Variants in TEX14 observed in about 807,000 individuals in gnomAD.
TEX14 encodes the protein inactive serine/threonine-protein kinase TEX14.
A neutral mutation model predicts 178.6 loss-of-function variants in TEX14; 168 were observed. The ratio of observed to expected loss-of-function variants is 0.94; its 90% CI spans 0.83 to 1.07. The LOEUF (loss-of-function observed/expected upper bound fraction) is 1.07. Ranked by LOEUF, TEX14 falls within the 50% of genes least tolerant of loss-of-function variation. The pLI, the probability that TEX14 is intolerant of heterozygous loss-of-function variation, is 0.00. For missense variants in TEX14, 1,730 were observed against 1,753.6 expected, an observed-to-expected ratio of 0.99 and a Z score of 0.24; for synonymous variants, 626 against 634.1, an observed-to-expected ratio of 0.99 and a Z score of 0.19.
chr17:58,645,258 G>C (rs2046677059), intron 2 of TEX14, among the ~76,000 whole-genome samples: 1 of 152,094 alleles, frequency 6.6e-6, no homozygotes, highest in Non-Finnish European at 1.5e-5. Flanking sequence ...AAACTGCTGG[G>C]ATTACAGGCG....
chr17:58,601,664 AGTCTGG>A, intron 13 of TEX14, 136 bp downstream of exon 13: 1 of 743,818 alleles, frequency 1.3e-6, no homozygotes, highest in South Asian at 1.8e-5. Context: ...ACTGTACTCC[AGTCTGG>A]GCAATAGAGC....
intron 9 of TEX14, among the ~76,000 whole-genome samples, chr17:58,611,903 G>GA (rs1171813250): frequency 6.6e-6 from 1 of 152,148 alleles, no homozygotes; most frequent in Admixed American, 6.5e-5. Flanking sequence ...ACTCAAGGGG[G>GA]AAAAACAGAA....
Position 58,607,751 on chromosome 17 carries a change from C to T in TEX14, c.1185-2622G>A, listed in dbSNP as rs184191018. 4.4e-3 allele frequency among the ~76,000 whole-genome samples: 672 copies of T among 152,356 alleles called. 3 individuals are homozygous for T. Among genetic ancestry groups the T allele is most frequent in the African/African-American group, 0.015 (640 of 41,590 alleles). On this transcript the variant is annotated intron_variant, in intron 10 of 31. Coordinates refer to ENST00000349033, the MANE Select transcript of TEX14 (RefSeq NM_031272.5). The stretch of plus-strand genomic sequence containing the variant: ...AGTGCACACCCTTTAGCGTCCACTG[C>T]TCCTGAACACATAGCCAGAGAGGTC...
intron 19 of TEX14, among the ~76,000 whole-genome samples, chr17:58,580,374 C>T (rs199863680): frequency 2.6e-5 from 4 of 152,174 alleles, no homozygotes; most frequent in East Asian, 3.9e-4. Flanking sequence ...TGCAGTGGCA[C>T]GATCTCAGCT....
In TEX14 at chr17:58,605,005, A is replaced by C; in HGVS notation, c.1309T>G (p.Ser437Ala). The C allele has an allele frequency of 6.2e-7, 1 of 1,614,216 alleles. No homozygotes were observed. Among genetic ancestry groups the C allele is most frequent in the Middle Eastern group, 1.6e-4 (1 of 6,062 alleles). The change falls in exon 11 of 32, where the codon TCT (serine) becomes GCT (alanine). Residue 437 changes from serine to alanine, a missense_variant. This residue lies in a region of TEX14 where 789 missense variants were observed against 681.2 expected (regional missense o/e 1.16). Coordinates refer to ENST00000349033, the MANE Select transcript of TEX14 (RefSeq NM_031272.5). The stretch of plus-strand genomic sequence containing the variant: ...GTTAAAATCTCCTGCATGATCATAG[A>C]AAAGCTGTAGATGTCTGATTTCACT... ...ATVKSDIYSF[S>A]MIMQEILTDD...
chr17:58,670,771 T>TCAAA (rs1598432610), intron 1 of TEX14, among the ~76,000 whole-genome samples: 1 of 7,952 alleles, frequency 1.3e-4, no homozygotes, highest in African/African-American at 4.6e-4. Context: ...AGACTCCCTC[T>TCAAA]TAAAAAAAAA....
rs571055474 is a variant in TEX14 at position 58,688,669 on chromosome 17, T to C, written c.-2+3270A>G. ...ACTGAGTAACTTGCTGAAGGTCACA[T>C]AGTTGGTAACTTCCAGACATGTGAT... On this transcript the variant is annotated intron_variant, in intron 1 of 31. Transcript: ENST00000349033. Among the ~76,000 whole-genome samples, 75 of 152,254 alleles carry C rather than the reference T, an allele frequency of 4.9e-4. 1 individual carries two copies. The highest frequency in any genetic ancestry group is 1.3e-3 in the African/African-American group (52 of 41,556).
At chr17:58,602,698 CTTTA>C (rs1475813527) in intron 11 of TEX14, 108 bp from the exon 12 acceptor site, 21 of 766,594 alleles carry the variant, frequency 2.7e-5, no homozygotes, top group Non-Finnish European at 3.9e-5. Flanking sequence ...CACTTAACTT[CTTTA>C]TTTTTTTTTC....
chr17:58,639,572 T>C (rs1406160628), intron 2 of TEX14, among the ~76,000 whole-genome samples: 1 of 152,066 alleles, frequency 6.6e-6, no homozygotes, highest in African/African-American at 2.4e-5. Context: ...TGGTGGCACA[T>C]ACCTGTAATC....
intron 1 of TEX14, among the ~76,000 whole-genome samples, chr17:58,669,773 G>A: frequency 6.8e-6 from 1 of 146,360 alleles, no homozygotes; most frequent in Non-Finnish European, 1.5e-5. Flanking sequence ...AACAGCTTGA[G>A]ACTTCATTGA....
intron 17 of TEX14, among the ~76,000 whole-genome samples, chr17:58,586,623 T>G (rs1480630735): frequency 6.6e-6 from 1 of 152,184 alleles, no homozygotes; most frequent in Non-Finnish European, 1.5e-5. Context: ...CCACAGGATA[T>G]GAGAGTGACA....
At chr17:58,660,100 A>G (rs920573372) in intron 1 of TEX14, among the ~76,000 whole-genome samples, 3 of 150,946 alleles carry the variant, frequency 2.0e-5, no homozygotes, top group African/African-American at 7.3e-5. Context: ...GTACAAATAC[A>G]CGCTTAATAA....
At chr17:58,674,646 G>A (rs974392991) in intron 1 of TEX14, among the ~76,000 whole-genome samples, 4 of 152,044 alleles carry the variant, frequency 2.6e-5, no homozygotes, top group Non-Finnish European at 4.4e-5. Flanking sequence ...CTCCAGCCTG[G>A]GTGACAGAGT....
At chr17:58,665,533 T>A (rs1490574059) in intron 1 of TEX14, among the ~76,000 whole-genome samples, 2 of 151,522 alleles carry the variant, frequency 1.3e-5, no homozygotes, top group African/African-American at 4.8e-5. Context: ...GAGGCGGAGG[T>A]TGCAGTGAGC....
In TEX14 at chr17:58,617,556, G is replaced by A. The variant is rs1401924365; in HGVS notation, c.618C>T (p.Tyr206=). 2 of 1,613,748 alleles carry A rather than the reference G, an allele frequency of 1.2e-6. No homozygotes were observed. The highest frequency in any genetic ancestry group is 1.7e-5 in the Admixed American group (1 of 59,966). Residue 206 remains tyrosine, a synonymous_variant, in exon 6 of 32, where the codon TAC becomes TAT. Transcript: ENST00000349033. ...KAGVISAQNI[Y]SFGFGKFYLT... Reference sequence around the variant, plus strand: ...CTCTTACCTTCCCAAAACCAAAGCTGTAGATATTTTGAGCAGAAATGACTC... The same window carrying A: ...CTCTTACCTTCCCAAAACCAAAGCTATAGATATTTTGAGCAGAAATGACTC...
intron 2 of TEX14, chr17:58,631,593 A>G (rs577199457): frequency 6.7e-6 from 1 of 148,710 alleles, no homozygotes; most frequent in East Asian, 1.9e-4. Context: ...AATTAAAAAC[A>G]TGAGGAAACC....
chr17:58,662,521 A>G (rs2047134496), intron 1 of TEX14, among the ~76,000 whole-genome samples: 1 of 152,114 alleles, frequency 6.6e-6, no homozygotes, highest in African/African-American at 2.4e-5. Flanking sequence ...AGATGGAGAA[A>G]CACAGCCCCT....
At chr17:58,651,836 G>C (rs1483281660) in intron 2 of TEX14, 30 bp downstream of exon 2, 2 of 1,584,362 alleles carry the variant, frequency 1.3e-6, no homozygotes, top group South Asian at 2.3e-5. Flanking sequence ...GTGTACCAAG[G>C]TGCATCTGCC....
At chr17:58,650,981 C>T (rs2046827928) in intron 2 of TEX14, among the ~76,000 whole-genome samples, 1 of 152,196 alleles carries the variant, frequency 6.6e-6, no homozygotes, top group African/African-American at 2.4e-5. Context: ...TCTGCTTACA[C>T]TGAAAATAGC....
Sources: allele counts gnomAD v4.1 joint callset (sites outside exome capture counted in the v4.1 genomes callset), GRCh38; gene constraint gnomAD v4.1.1; regional missense constraint gnomAD v4.1.1; transcripts MANE v1.5; gene names NCBI Gene and HGNC (gene_info 2026-07-23, HGNC 2026-07-21).